The following DENND2B variants were observed in gnomAD, a reference collection of about 807,000 sequenced individuals.
DENND2B encodes the protein DENN domain-containing protein 2B.
In DENND2B, 32 loss-of-function variants were observed where a neutral mutation model predicts 116.0. That is an observed-to-expected ratio of 0.28 (90% confidence interval 0.21 to 0.37). The LOEUF is 0.37. DENND2B is among the 10% of genes least tolerant of loss of function. The pLI is 1.00. For synonymous variants in DENND2B, 588 were observed against 583.9 expected (o/e 1.01, Z -0.10); for missense variants, 1,276 against 1,477.7 (o/e 0.86, Z 2.24).
At chr11:8,705,145 C>T (rs1401018793) in intron 13 of DENND2B, among the ~76,000 whole-genome samples, 2 of 152,196 alleles carry the variant, frequency 1.3e-5, no homozygotes, top group East Asian at 3.8e-4. Context: ...GCTAGCCCCT[C>T]CTGCTCCTGC....
chr11:8,762,246 T>TTC (rs2054794705), intron 1 of DENND2B, among the ~76,000 whole-genome samples: 2 of 152,196 alleles, frequency 1.3e-5, no homozygotes, highest in Admixed American at 6.5e-5. Context: ...CAACTACTCT[T>TTC]TCTCCTTCAC....
intron 1 of DENND2B, among the ~76,000 whole-genome samples, chr11:8,881,682 G>A (rs935819924): frequency 3.9e-5 from 6 of 152,010 alleles, no homozygotes; most frequent in African/African-American, 9.7e-5. Context: ...ATTAACAAGC[G>A]CCTGCCATCA....
At chr11:8,865,803 G>A (rs576377307) in intron 2 of DENND2B, among the ~76,000 whole-genome samples, 1 of 79,648 alleles carries the variant, frequency 1.3e-5, no homozygotes, top group East Asian at 4.2e-4. Context: ...TGGAGGTGGA[G>A]GAGGTCAAAA....
intron 1 of DENND2B, among the ~76,000 whole-genome samples, chr11:8,891,453 A>G (rs901960260): frequency 1.7e-4 from 26 of 152,250 alleles, no homozygotes; most frequent in African/African-American, 6.0e-4. Context: ...AGTAAATTGG[A>G]TAAAGAGTCA....
In DENND2B at chr11:8,694,111, G is replaced by A. The variant is rs2039878840; in HGVS notation, c.3399C>T (p.Leu1133=). The change falls in exon 20 of 20, where the codon CTC becomes CTT. Residue 1133 remains leucine, a synonymous_variant. Coordinates refer to ENST00000313726, the MANE Select transcript of DENND2B (RefSeq NM_213618.2). ...LRGLGNKMKF[L]HKKN is the part of the protein sequence containing the mutation. ...AGAAGGAGGCTTAATTCTTCTTGTG[G>A]AGAAACTTCATTTTGTTGCCTGTGG... The A allele has an allele frequency of 6.2e-7, 1 of 1,614,022 alleles. No homozygotes were observed. Among genetic ancestry groups the A allele is most frequent in the Non-Finnish European group, 8.5e-7 (1 of 1,180,044 alleles).
chr11:8,721,827 T>C lies in DENND2B; in HGVS notation c.1478-3935A>G, dbSNP rs894575858. Among the ~76,000 whole-genome samples the C allele has an allele frequency of 2.6e-5, 4 of 152,198 alleles. No individual in the cohort carries two copies. The East Asian group carries it at 7.7e-4, about 29-fold the overall frequency. ...AGAGAGAGTGGAGGCTCAAAAGACT[T>C]TGCAGTCCAGGCTGACTGGCCCGGT... On this transcript the variant is annotated intron_variant, in intron 4 of 19. Coordinates refer to ENST00000313726, the MANE Select transcript of DENND2B (RefSeq NM_213618.2).
chr11:8,849,217 G>T (rs912914786), intron 3 of DENND2B, among the ~76,000 whole-genome samples: 1 of 152,112 alleles, frequency 6.6e-6, no homozygotes, highest in African/African-American at 2.4e-5. Context: ...TACAGGCCGG[G>T]CGCGGTGGCT....
chr11:8,856,786 G>A (rs1271667708), intron 3 of DENND2B, among the ~76,000 whole-genome samples: 1 of 146,634 alleles, frequency 6.8e-6, no homozygotes, highest in African/African-American at 2.5e-5. Context: ...GACAGGTCTT[G>A]ACTGTCACCC....
chr11:8,717,753 G>A lies in DENND2B; in HGVS notation c.1617C>T (p.Ser539=). The A allele has an allele frequency of 6.4e-7, 1 of 1,569,492 alleles. No homozygotes were observed. Among genetic ancestry groups the A allele is most frequent in the Non-Finnish European group, 8.7e-7 (1 of 1,152,140 alleles). ...MWSPQDRKYN[S]PPTQLSLKPN... ...AGGGCTGAGTTACCTGTGTGGGCGGGCTGTTGTACTTCCTGTCCTGAGGAC... is the reference window on the plus strand; with the variant it reads ...AGGGCTGAGTTACCTGTGTGGGCGGACTGTTGTACTTCCTGTCCTGAGGAC... The change falls in exon 5 of 20, where the codon AGC becomes AGT. Residue 539 remains serine (S), a synonymous_variant. Coordinates refer to ENST00000313726, the MANE Select transcript of DENND2B (RefSeq NM_213618.2).
At chr11:8,842,760 T>C (rs928430649) in intron 3 of DENND2B, among the ~76,000 whole-genome samples, 1 of 152,172 alleles carries the variant, frequency 6.6e-6, no homozygotes, top group Non-Finnish European at 1.5e-5. Flanking sequence ...GATGGAGACA[T>C]CATGAAAGAC....
intron 2 of DENND2B, among the ~76,000 whole-genome samples, chr11:8,747,328 G>A (rs1181820235): frequency 6.6e-6 from 1 of 152,176 alleles, no homozygotes; most frequent in African/African-American, 2.4e-5. Flanking sequence ...CCAGGTGCTG[G>A]AGTTTCATAG....
chr11:8,795,967 G>A (rs575488129), intron 1 of DENND2B, among the ~76,000 whole-genome samples: 55 of 152,306 alleles, frequency 3.6e-4, no homozygotes, highest in African/African-American at 1.2e-3. Context: ...TCAGAAGCAA[G>A]TCTGTTACTG....
At chr11:8,867,294 G>A (rs1015310730) in intron 2 of DENND2B, among the ~76,000 whole-genome samples, 9 of 152,170 alleles carry the variant, frequency 5.9e-5, no homozygotes, top group African/African-American at 2.2e-4. Flanking sequence ...GGCTATAAAT[G>A]TGGGTGTCCA....
At chr11:8,804,022 G>A (rs902199179) in intron 1 of DENND2B, among the ~76,000 whole-genome samples, 3 of 152,242 alleles carry the variant, frequency 2.0e-5, no homozygotes, top group African/African-American at 7.2e-5. Context: ...CAGGCGAGAA[G>A]CAGTTCTGGA....
Position 8,730,676 on chromosome 11 carries a change from C to T in DENND2B, c.614G>A (p.Gly205Asp). 6.2e-7 allele frequency: 1 copy of T among 1,612,136 alleles called. No homozygotes were observed. The highest frequency in any genetic ancestry group is 8.5e-7 in the Non-Finnish European group (1 of 1,179,720). ...WAASEGCPSL[G>D]CPSVVPSPCS... ...GGGGGACGGCACCACGCTGGGACAG[C>T]CCAGGCTGGGGCAGCCCTCACTGGC... Residue 205 changes from glycine to aspartate, a missense_variant, in exon 3 of 20, where the codon GGC (glycine) becomes GAC (aspartate). Physicochemically the swap from Gly to Asp is moderately conservative, Grantham distance 94. Transcript: ENST00000313726. This position sits in a 1 kb window ranked among gnomAD's most constrained non-coding sequence, Gnocchi z 4.1.
intron 1 of DENND2B, among the ~76,000 whole-genome samples, chr11:8,882,076 G>A (rs1165858633): frequency 6.6e-6 from 1 of 151,602 alleles, no homozygotes; most frequent in Admixed American, 6.6e-5. Context: ...ATTCAATTTA[G>A]CTGATATTGC....
chr11:8,787,906 T>C (rs1043304452), intron 1 of DENND2B, among the ~76,000 whole-genome samples: 1 of 152,224 alleles, frequency 6.6e-6, no homozygotes, highest in Non-Finnish European at 1.5e-5. Flanking sequence ...ACACCTACAA[T>C]GTGCTTCTTT....
chr11:8,816,472 G>T (rs1042099293), intron 4 of DENND2B, among the ~76,000 whole-genome samples: 3 of 151,698 alleles, frequency 2.0e-5, no homozygotes, highest in Admixed American at 6.6e-5. Context: ...GATCGCTTGA[G>T]CCTGGGAGGT....
At chr11:8,767,401 TGA>T (rs1459080087) in intron 1 of DENND2B, among the ~76,000 whole-genome samples, 3 of 143,306 alleles carry the variant, frequency 2.1e-5, no homozygotes, top group African/African-American at 7.6e-5. Context: ...CCTCAGAAAA[TGA>T]GAGACCCTGA....
Sources: gnomAD v4.1 joint callset for allele counts (sites outside exome capture counted in the v4.1 genomes callset) on GRCh38, gnomAD v4.1.1 for gene constraint, Gnocchi (gnomAD v3.1) non-coding constraint, MANE v1.5 for transcripts, NCBI Gene and HGNC (gene_info 2026-07-23, HGNC 2026-07-21) for gene names.